Variants in PIP4K2A observed in about 807,000 individuals in gnomAD.
The protein encoded by PIP4K2A is phosphatidylinositol 5-phosphate 4-kinase type-2 alpha.
A neutral mutation model predicts 42.9 loss-of-function variants in PIP4K2A; 14 were observed. The ratio of observed to expected loss-of-function variants is 0.33; its 90% CI spans 0.22 to 0.51. The LOEUF (loss-of-function observed/expected upper bound fraction) is 0.51, where lower values mean the gene tolerates loss of function less well. PIP4K2A is among the 20% of genes least tolerant of loss of function. PIP4K2A has a pLI of 0.97. For missense variants in PIP4K2A, 434 were observed against 519.8 expected, an observed-to-expected ratio of 0.83 and a Z score of 1.61; for synonymous variants, 192 against 192.2, an observed-to-expected ratio of 1.00 and a Z score of 0.01.
intron 4 of PIP4K2A, among the ~76,000 whole-genome samples, chr10:22,584,608 G>T (rs1421192582): frequency 6.6e-6 from 1 of 152,134 alleles, no homozygotes; most frequent in East Asian, 1.9e-4. Flanking sequence ...CATGAAACTA[G>T]GAGGAAATGG....
intron 1 of PIP4K2A, among the ~76,000 whole-genome samples, chr10:22,612,646 G>T (rs1201044167): frequency 6.6e-6 from 1 of 152,218 alleles, no homozygotes; most frequent in Admixed American, 6.5e-5. Context: ...GCATGCTGAA[G>T]TGCTGAAATC....
intron 3 of PIP4K2A, among the ~76,000 whole-genome samples, chr10:22,607,207 C>T (rs1341253396): frequency 6.6e-6 from 1 of 152,084 alleles, no homozygotes; most frequent in Non-Finnish European, 1.5e-5. Flanking sequence ...CTTGGGTAAC[C>T]AATGTCAAAT....
At chr10:22,646,919 GACAAA>G (rs755049136) in intron 1 of PIP4K2A, among the ~76,000 whole-genome samples, 137 of 151,208 alleles carry the variant, frequency 9.1e-4, no homozygotes, top group African/African-American at 2.8e-3. Flanking sequence ...AACTCTTCAA[GACAAA>G]ACAAAACAAA....
chr10:22,711,386 T>G (rs1441536559), intron 1 of PIP4K2A, among the ~76,000 whole-genome samples: 1 of 152,248 alleles, frequency 6.6e-6, no homozygotes, highest in East Asian at 1.9e-4. Context: ...TTCCTTCCCC[T>G]GTAGTCAAGG....
intron 1 of PIP4K2A, among the ~76,000 whole-genome samples, chr10:22,693,718 G>T (rs113080816): frequency 1.7e-3 from 258 of 152,228 alleles, no homozygotes; most frequent in African/African-American, 5.9e-3. Context: ...CCAGCCTGGT[G>T]CTGCGTTGGG....
chr10:22,618,697 G>A (rs1336848549), intron 1 of PIP4K2A, among the ~76,000 whole-genome samples: 1 of 152,334 alleles, frequency 6.6e-6, no homozygotes, highest in African/African-American at 2.4e-5. Context: ...CAGAGGGCTT[G>A]GCTGGGAGCT....
At chr10:22,650,521 G>GA (rs11398924) in intron 1 of PIP4K2A, among the ~76,000 whole-genome samples, 37,616 of 152,082 alleles carry the variant, frequency 0.25, 5,040 homozygotes, top group Non-Finnish European at 0.3. Context: ...AGTCCACCAT[G>GA]AAATACAGAG....
intron 4 of PIP4K2A, among the ~76,000 whole-genome samples, chr10:22,577,655 C>T (rs1440733143): frequency 2.6e-5 from 4 of 152,212 alleles, no homozygotes; most frequent in African/African-American, 7.2e-5. Context: ...GGCAAAGACA[C>T]TCAGTGCTTG....
intron 1 of PIP4K2A, among the ~76,000 whole-genome samples, chr10:22,616,836 A>G (rs1489620168): frequency 6.6e-6 from 1 of 152,228 alleles, no homozygotes; most frequent in Non-Finnish European, 1.5e-5. Context: ...GTGTGACTGA[A>G]AAGTTGTCAT....
chr10:22,635,881 A>G (rs1838651400), intron 1 of PIP4K2A, among the ~76,000 whole-genome samples: 1 of 152,148 alleles, frequency 6.6e-6, no homozygotes, highest in Admixed American at 6.5e-5. Flanking sequence ...AAAACAGGAA[A>G]CGCAGAAAGA....
At position 22,714,328 on chromosome 10, in the gene PIP4K2A, G is replaced by A. The variant is rs1285716292; in HGVS notation, c.-2C>T. 1.6e-5 allele frequency: 25 copies of A among 1,601,432 alleles called. No individual in the cohort carries two copies. The highest frequency in any genetic ancestry group is 2.3e-5 in the East Asian group (1 of 43,436). ...CCCTAGGTTGCCGGGGGTCGCCATGGCCGCCTCCTATGTCCCCTCCACCGC... is the reference window on the plus strand; with the variant it reads ...CCCTAGGTTGCCGGGGGTCGCCATGACCGCCTCCTATGTCCCCTCCACCGC... On this transcript the variant is annotated 5_prime_UTR_variant, in exon 1 of 10. Coordinates refer to ENST00000376573, the MANE Select transcript of PIP4K2A (RefSeq NM_005028.5).
chr10:22,651,962 T>A (rs1463815376), intron 1 of PIP4K2A, among the ~76,000 whole-genome samples: 1 of 152,234 alleles, frequency 6.6e-6, no homozygotes, highest in Non-Finnish European at 1.5e-5. Flanking sequence ...TTGCAGAGAC[T>A]GAGCCACTAT....
At chr10:22,569,158 A>T in intron 5 of PIP4K2A, 1 of 830,326 alleles carries the variant, frequency 1.2e-6, no homozygotes, top group South Asian at 1.5e-5. Context: ...ACTTGAACGG[A>T]AGAGACTCCT....
intron 4 of PIP4K2A, among the ~76,000 whole-genome samples, chr10:22,576,840 C>T (rs1055142296): frequency 6.6e-6 from 1 of 152,102 alleles, no homozygotes; most frequent in Non-Finnish European, 1.5e-5. Flanking sequence ...CCCTGGGAGG[C>T]CAAGGTGGGC....
intron 1 of PIP4K2A, among the ~76,000 whole-genome samples, chr10:22,678,775 A>G (rs925709338): frequency 6.6e-6 from 1 of 152,206 alleles, no homozygotes; most frequent in African/African-American, 2.4e-5. Context: ...AAATGTACAC[A>G]GTTTTGCAGT....
intron 1 of PIP4K2A, among the ~76,000 whole-genome samples, chr10:22,616,443 G>A (rs1030791080): frequency 6.6e-6 from 1 of 152,162 alleles, no homozygotes; most frequent in South Asian, 2.1e-4. Flanking sequence ...GAGGCTTAGT[G>A]AGATTAGAAA....
At chr10:22,713,701 C>G (rs1833956734) in intron 1 of PIP4K2A, among the ~76,000 whole-genome samples, 1 of 152,152 alleles carries the variant, frequency 6.6e-6, no homozygotes, top group African/African-American at 2.4e-5. Flanking sequence ...CAGTGGGAGG[C>G]TCGCACGCGC....
At chr10:22,595,128 C>T (rs1320827075) in intron 3 of PIP4K2A, among the ~76,000 whole-genome samples, 1 of 152,158 alleles carries the variant, frequency 6.6e-6, no homozygotes, top group African/African-American at 2.4e-5. Flanking sequence ...CAATTCTATA[C>T]AAAACACCTG....
intron 1 of PIP4K2A, among the ~76,000 whole-genome samples, chr10:22,695,056 G>T (rs1245843541): frequency 1.3e-5 from 2 of 152,132 alleles, no homozygotes; most frequent in African/African-American, 2.4e-5. Flanking sequence ...ATAGCAAAAT[G>T]AATATAGGAC....
Sources: gnomAD v4.1 joint callset for allele counts (sites outside exome capture counted in the v4.1 genomes callset) on GRCh38, gnomAD v4.1.1 for gene constraint, MANE v1.5 for transcripts, NCBI Gene and HGNC (gene_info 2026-07-23, HGNC 2026-07-21) for gene names.